Variants in NSD2 observed in about 807,000 individuals in gnomAD.
NSD2 encodes the protein nuclear receptor binding SET domain protein 2, also known as histone-lysine N-methyltransferase NSD2.
Under a neutral mutation model 139.0 loss-of-function variants are expected in NSD2, and 12 were observed. That is an observed-to-expected ratio of 0.09 (90% CI 0.06 to 0.14). The LOEUF (loss-of-function observed/expected upper bound fraction) is 0.14. NSD2 is among the 10% of genes least tolerant of loss of function. The pLI, the probability that NSD2 is intolerant of heterozygous loss-of-function variation, is 1.00. For synonymous variants in NSD2, 669 were observed against 648.7 expected, an observed-to-expected ratio of 1.03 and a Z score of -0.48; for missense variants, 1,155 against 1,745.0, an observed-to-expected ratio of 0.66 and a Z score of 6.02.
At chr4:1,935,788 C>T (rs1407554173) in intron 7 of NSD2, among the ~76,000 whole-genome samples, 1 of 151,910 alleles carries the variant, frequency 6.6e-6, no homozygotes, top group South Asian at 2.1e-4. Flanking sequence ...TTGAACCTGA[C>T]AGGCAGAGGT....
rs1450120797 is a variant in NSD2, at chr4:1,973,041, A to G, written c.3373-1822A>G. On this transcript the variant is annotated intron_variant, in intron 18 of 21. Coordinates refer to ENST00000508803, the MANE Select transcript of NSD2 (RefSeq NM_001042424.3). This position sits in a 1 kb window ranked among gnomAD's most constrained non-coding sequence, Gnocchi z 5.5. ...ATAATTTTTTGTATTTTTATTAGAG[A>G]CAGTTTCACCATGTTGGCCAGGCTG... Among the ~76,000 whole-genome samples the G allele has an allele frequency of 6.6e-6, 1 of 152,050 alleles. No individual in the cohort carries two copies. The highest frequency in any genetic ancestry group is 1.5e-5 in the Non-Finnish European group (1 of 68,024).
At chr4:1,900,563 ACCTAT>A (rs1254514642) in intron 1 of NSD2, 58 bp from the exon 2 acceptor site, 1 of 1,139,690 alleles carries the variant, frequency 8.8e-7, no homozygotes, top group Non-Finnish European at 1.2e-6. Flanking sequence ...GTCCTGGCAT[ACCTAT>A]CCTAGGTTTT....
In NSD2 at chr4:1,955,838, T is replaced by C; in HGVS notation, c.2664T>C (p.Leu888=). 1 of 1,614,090 alleles carries C rather than the reference T, an allele frequency of 6.2e-7. No homozygotes were observed. The change falls in exon 14 of 22, where the codon CTT becomes CTC. Residue 888 remains leucine (L), a synonymous_variant. Coordinates refer to ENST00000508803, the MANE Select transcript of NSD2 (RefSeq NM_001042424.3). This position sits in a 1 kb window ranked among gnomAD's most constrained non-coding sequence, Gnocchi z 4.7. ...LHFQDIIWVK[L]GNYRWWPAEV... ...TCCAGGATATCATTTGGGTGAAACT[T>C]GGGAACTACAGGTGTGAGACATAGA...
At chr4:1,877,116 G>C (rs1331558470) in intron 1 of NSD2, among the ~76,000 whole-genome samples, 1 of 151,802 alleles carries the variant, frequency 6.6e-6, no homozygotes, top group African/African-American at 2.4e-5. Flanking sequence ...CAGCCTGGGC[G>C]ACAGGACGAG....
At chr4:1,888,256 A>G (rs1019066373) in intron 1 of NSD2, among the ~76,000 whole-genome samples, 1 of 151,946 alleles carries the variant, frequency 6.6e-6, no homozygotes, top group African/African-American at 2.4e-5. Flanking sequence ...CACTAAAAAT[A>G]CAAAAATTAG....
At chr4:1,873,101 T>A (rs1187458377) in intron 1 of NSD2, among the ~76,000 whole-genome samples, 2 of 152,178 alleles carry the variant, frequency 1.3e-5, no homozygotes, top group Non-Finnish European at 1.5e-5. Context: ...TTTGAGTCAT[T>A]TCCTTTTCTT....
rs138694004 is a variant in NSD2, at chr4:1,961,091, G to A, written c.3312G>A (p.Ala1104=). Residue 1104 remains alanine, a synonymous_variant, in exon 18 of 22, where the codon GCG becomes GCA. Transcript: ENST00000508803. ...TGATCGACGAGGAGGAGTGCATGGC[G>A]AGAATCAAGCACGCACACGAGAACG... ...GELIDEEECM[A]RIKHAHENDI... is the part of the protein sequence containing the mutation. 30 of 1,613,646 alleles carry A rather than the reference G, an allele frequency of 1.9e-5. 1 individual carries two copies. In the East Asian group the frequency reaches 4.5e-4, roughly 24 times the overall value.
In NSD2 at chr4:1,948,452, G is replaced by A; in HGVS notation, c.1882-2620G>A. On this transcript the variant is annotated intron_variant, in intron 9 of 21. Coordinates refer to ENST00000508803, the MANE Select transcript of NSD2 (RefSeq NM_001042424.3). The surrounding 1 kb of genome is among the most constrained non-coding windows in gnomAD (Gnocchi z 4.5). Reference sequence around the variant, plus strand: ...GCCTGCGGCTGGAGTAAGGCTTGCTGTGGGACGCCCTCGTACTTTGCTCTC... The same window carrying A: ...GCCTGCGGCTGGAGTAAGGCTTGCTATGGGACGCCCTCGTACTTTGCTCTC... The A allele has an allele frequency of 9.4e-7, 1 of 1,066,056 alleles. No individual in the cohort carries two copies. The highest frequency in any genetic ancestry group is 1.1e-6 in the Non-Finnish European group (1 of 878,820). 66.0% of individuals were successfully genotyped at this position (1,066,056 alleles called of 1,614,324 possible).
intron 18 of NSD2, among the ~76,000 whole-genome samples, chr4:1,970,677 G>A (rs183970043): frequency 2.0e-4 from 30 of 152,354 alleles, no homozygotes; most frequent in African/African-American, 7.0e-4. Flanking sequence ...GAGCAAAGGA[G>A]AGCATGAAGA....
intron 18 of NSD2, among the ~76,000 whole-genome samples, chr4:1,962,761 C>G (rs1725498511): frequency 6.6e-6 from 1 of 152,172 alleles, no homozygotes; most frequent in African/African-American, 2.4e-5. Flanking sequence ...GCCTCGATCT[C>G]CTGGGCCTAA....
At chr4:1,877,265 C>T (rs185670401) in intron 1 of NSD2, among the ~76,000 whole-genome samples, 5 of 152,108 alleles carry the variant, frequency 3.3e-5, no homozygotes, top group South Asian at 2.1e-4. Context: ...AGCATTTTTC[C>T]GACTCCGGTT....
chr4:1,927,603 C>G (rs960223707), intron 5 of NSD2, among the ~76,000 whole-genome samples: 2 of 151,350 alleles, frequency 1.3e-5, no homozygotes, highest in Non-Finnish European at 1.5e-5. Context: ...CCTATAATCC[C>G]AGCTACTCAG....
At chr4:1,919,460 A>G (rs1442116739) in intron 5 of NSD2, among the ~76,000 whole-genome samples, 1 of 152,250 alleles carries the variant, frequency 6.6e-6, no homozygotes, top group Non-Finnish European at 1.5e-5. Context: ...TTAGTACATA[A>G]TAAAGGCTGT....
In NSD2 at chr4:1,972,681, C is replaced by T. The variant is rs1352383252; in HGVS notation, c.3373-2182C>T. On this transcript the variant is annotated intron_variant, in intron 18 of 21. Transcript: ENST00000508803. This position sits in a 1 kb window ranked among gnomAD's most constrained non-coding sequence, Gnocchi z 4.0. ...TGAACAGCTAGGAGTGGGGGAGATG[C>T]ATTTTATAATCTGTGTGGTGGGAAA... Among the ~76,000 whole-genome samples, 1 of 152,192 alleles carries T rather than the reference C, an allele frequency of 6.6e-6. No individual in the cohort carries two copies. Among genetic ancestry groups the T allele is most frequent in the Non-Finnish European group, 1.5e-5 (1 of 68,042 alleles).
Position 1,959,453 on chromosome 4 carries a change from C to T in NSD2, c.2986-18C>T. 6.2e-7 allele frequency: 1 copy of T among 1,609,842 alleles called. No individual in the cohort carries two copies. Among genetic ancestry groups the T allele is most frequent in the Non-Finnish European group, 8.5e-7 (1 of 1,177,764 alleles). Reference sequence around the variant, plus strand: ...GGCTCTCATGTGTGGACCAAGACAGCTTACTCCTTCCCTGCAGGTGAATAA... The same window carrying T: ...GGCTCTCATGTGTGGACCAAGACAGTTTACTCCTTCCCTGCAGGTGAATAA... On this transcript the variant is annotated intron_variant, in intron 16 of 21. Transcript: ENST00000508803.
intron 1 of NSD2, among the ~76,000 whole-genome samples, chr4:1,897,271 C>T (rs1716479733): frequency 6.6e-6 from 1 of 151,898 alleles, no homozygotes; most frequent in African/African-American, 2.4e-5. Context: ...CCCTTGAGCC[C>T]AGGAGTTTGA....
At chr4:1,934,927 A>T (rs1722213099) in intron 6 of NSD2, among the ~76,000 whole-genome samples, 1 of 137,608 alleles carries the variant, frequency 7.3e-6, no homozygotes, top group African/African-American at 2.7e-5. Flanking sequence ...GATAAAACAG[A>T]TGCTAATATA....
At chr4:1,902,872 A>G (rs1478763939) in intron 2 of NSD2, among the ~76,000 whole-genome samples, 4 of 152,156 alleles carry the variant, frequency 2.6e-5, no homozygotes, top group African/African-American at 9.7e-5. Flanking sequence ...GTAATCTGGT[A>G]GCTGTTCTGA....
At chr4:1,913,624 A>C (rs1471521081) in intron 3 of NSD2, among the ~76,000 whole-genome samples, 1 of 152,186 alleles carries the variant, frequency 6.6e-6, no homozygotes, top group Non-Finnish European at 1.5e-5. Context: ...CTCGGCTACC[A>C]AACAGGGAAG....
Sources: gnomAD v4.1 joint callset for allele counts (sites outside exome capture counted in the v4.1 genomes callset) on GRCh38, gnomAD v4.1.1 for gene constraint, Gnocchi (gnomAD v3.1) non-coding constraint, MANE v1.5 for transcripts, NCBI Gene and HGNC (gene_info 2026-07-23, HGNC 2026-07-21) for gene names.